GABRB1: variants seen among roughly 807,000 people sequenced by gnomAD.
The protein encoded by GABRB1 is gamma-aminobutyric acid type A receptor subunit beta1, also known as gamma-aminobutyric acid receptor subunit beta-1.
Under a neutral mutation model 51.6 loss-of-function variants are expected in GABRB1, and 17 were observed. The observed-to-expected ratio is 0.33, with a 90% CI of 0.23 to 0.49. The LOEUF is 0.49. Among genes scored for constraint, GABRB1 ranks in the 20% least tolerant of loss-of-function variants. The pLI, the probability that GABRB1 is intolerant of heterozygous loss-of-function variation, is 0.99. For synonymous variants in GABRB1, 247 were observed against 218.9 expected, an observed-to-expected ratio of 1.13 and a Z score of -1.14; for missense variants, 410 against 600.6, an observed-to-expected ratio of 0.68 and a Z score of 3.32.
chr4:47,062,801 C>G (rs547759401), intron 3 of GABRB1, among the ~76,000 whole-genome samples: 1 of 152,182 alleles, frequency 6.6e-6, no homozygotes, highest in East Asian at 1.9e-4. Flanking sequence ...AGTCCCAACT[C>G]TCTCACCTCT....
At chr4:47,136,783 A>G (rs1716679354) in intron 3 of GABRB1, among the ~76,000 whole-genome samples, 2 of 152,100 alleles carry the variant, frequency 1.3e-5, no homozygotes, top group African/African-American at 2.4e-5. Flanking sequence ...ATATATGCAT[A>G]CTTTATCTCT....
chr4:47,259,640 C>A (rs2109875575), intron 4 of GABRB1, among the ~76,000 whole-genome samples: 1 of 152,224 alleles, frequency 6.6e-6, no homozygotes, highest in Admixed American at 6.5e-5. Context: ...AAGATTAAAT[C>A]ATTAGCTCAA....
At chr4:47,317,005 T>TA (rs1336455676) in intron 4 of GABRB1, among the ~76,000 whole-genome samples, 7 of 152,002 alleles carry the variant, frequency 4.6e-5, no homozygotes, top group African/African-American at 1.4e-4. Flanking sequence ...ATATGGCTTT[T>TA]ATTTATTTCA....
At chr4:47,054,487 A>G (rs1341410908) in intron 3 of GABRB1, among the ~76,000 whole-genome samples, 1 of 152,228 alleles carries the variant, frequency 6.6e-6, no homozygotes, top group Non-Finnish European at 1.5e-5. Flanking sequence ...AAGGACTGCG[A>G]TGAAGATCAA....
At chr4:47,369,166 C>G (rs992011131) in intron 5 of GABRB1, among the ~76,000 whole-genome samples, 1 of 152,062 alleles carries the variant, frequency 6.6e-6, no homozygotes, top group African/African-American at 2.4e-5. Context: ...TTGACTAACT[C>G]TTAAGAAATA....
chr4:47,273,333 T>C (rs980903985), intron 4 of GABRB1, among the ~76,000 whole-genome samples: 4 of 152,210 alleles, frequency 2.6e-5, no homozygotes, highest in Non-Finnish European at 4.4e-5. Flanking sequence ...TGGAAGGGAC[T>C]ATGGATACTC....
chr4:47,261,229 T>C (rs1722424566), intron 4 of GABRB1, among the ~76,000 whole-genome samples: 2 of 152,174 alleles, frequency 1.3e-5, no homozygotes, highest in Admixed American at 6.5e-5. Context: ...ATAAAGGGTA[T>C]TCAATTAGGA....
intron 5 of GABRB1, among the ~76,000 whole-genome samples, chr4:47,349,234 T>A (rs551311384): frequency 1.8e-4 from 28 of 152,262 alleles, no homozygotes; most frequent in African/African-American, 6.3e-4. Context: ...TGAGTTCTAC[T>A]AAGGAGGTGA....
intron 4 of GABRB1, among the ~76,000 whole-genome samples, chr4:47,270,544 G>A (rs1220591404): frequency 6.6e-6 from 1 of 152,162 alleles, no homozygotes; most frequent in Non-Finnish European, 1.5e-5. Context: ...AAGAAAATTT[G>A]ACTAATCAAG....
At chr4:47,377,880 T>G (rs1717683025) in intron 5 of GABRB1, among the ~76,000 whole-genome samples, 1 of 152,206 alleles carries the variant, frequency 6.6e-6, no homozygotes, top group East Asian at 1.9e-4. Flanking sequence ...TTACAAACCT[T>G]GAGCTAGATA....
At chr4:47,071,796 C>T (rs947688316) in intron 3 of GABRB1, among the ~76,000 whole-genome samples, 12 of 151,948 alleles carry the variant, frequency 7.9e-5, no homozygotes, top group African/African-American at 2.7e-4. Flanking sequence ...GTTAAATGAA[C>T]TCTTTTCCAT....
intron 3 of GABRB1, among the ~76,000 whole-genome samples, chr4:47,058,668 T>C (rs927676286): frequency 1.3e-5 from 2 of 152,190 alleles, no homozygotes; most frequent in African/African-American, 2.4e-5. Context: ...TGGACCTTGC[T>C]TCCATAGGGG....
intron 5 of GABRB1, among the ~76,000 whole-genome samples, chr4:47,391,560 T>C (rs1727992495): frequency 6.6e-6 from 1 of 152,184 alleles, no homozygotes; most frequent in Admixed American, 6.5e-5. Context: ...AAAGACCAGC[T>C]TGAGGTTGTA....
intron 4 of GABRB1, among the ~76,000 whole-genome samples, chr4:47,280,607 G>C (rs942758156): frequency 6.6e-6 from 1 of 151,228 alleles, no homozygotes; most frequent in African/African-American, 2.4e-5. Context: ...TTTTGTCTGA[G>C]AAAGTTTTTA....
chr4:47,162,294 G>A (rs1577963913), intron 4 of GABRB1, among the ~76,000 whole-genome samples: 2 of 151,922 alleles, frequency 1.3e-5, no homozygotes, highest in South Asian at 2.1e-4. Flanking sequence ...TGTAACTTCC[G>A]TCAGACATGC....
intron 1 of GABRB1, among the ~76,000 whole-genome samples, chr4:47,024,771 C>G (rs1162986154): frequency 6.6e-6 from 1 of 151,216 alleles, no homozygotes; most frequent in Non-Finnish European, 1.5e-5. Flanking sequence ...CATTCTTATG[C>G]CCTTGCATCC....
At chr4:47,315,175 C>T (rs1724838636) in intron 4 of GABRB1, among the ~76,000 whole-genome samples, 1 of 151,850 alleles carries the variant, frequency 6.6e-6, no homozygotes, top group African/African-American at 2.4e-5. Flanking sequence ...ATATAAAGAA[C>T]TTAAAGAAAT....
intron 8 of GABRB1, among the ~76,000 whole-genome samples, chr4:47,412,859 G>T (rs932068048): frequency 6.6e-6 from 1 of 152,128 alleles, no homozygotes; most frequent in East Asian, 1.9e-4. Flanking sequence ...TTTGCATAAG[G>T]CTCAAAAAAC....
chr4:47,301,977 T>A (rs1405108962), intron 4 of GABRB1, among the ~76,000 whole-genome samples: 1 of 152,202 alleles, frequency 6.6e-6, no homozygotes, highest in Non-Finnish European at 1.5e-5. Flanking sequence ...CATTTCAAAA[T>A]CTTTCACAAT....
Sources: gnomAD v4.1 joint callset for allele counts (sites outside exome capture counted in the v4.1 genomes callset) on GRCh38, gnomAD v4.1.1 for gene constraint, MANE v1.5 for transcripts, NCBI Gene and HGNC (gene_info 2026-07-23, HGNC 2026-07-21) for gene names.